SPAG16: variants seen among roughly 807,000 people sequenced by gnomAD.
SPAG16 encodes sperm associated antigen 16, also known as sperm-associated antigen 16 protein.
SPAG16 carries 86 observed loss-of-function variants against 80.4 expected under a neutral mutation model. The ratio of observed to expected loss-of-function variants is 1.07; its 90% confidence interval spans 0.90 to 1.28. SPAG16 has a LOEUF of 1.28. Ranked by LOEUF, SPAG16 falls within the 50% of genes most tolerant of loss-of-function variation. The pLI is 0.00. For synonymous variants in SPAG16, 294 were observed against 265.9 expected, an observed-to-expected ratio of 1.11 and a Z score of -1.03; for missense variants, 870 against 765.3, an observed-to-expected ratio of 1.14 and a Z score of -1.61.
rs768468811 is a variant in SPAG16, at chr2:214,108,271, G to A, written c.1593+10G>A. The A allele has an allele frequency of 5.0e-6, 8 of 1,597,888 alleles. No homozygotes were observed. In the South Asian group the frequency reaches 5.6e-5, roughly 11 times the overall value. On this transcript the variant is annotated intron_variant, in intron 14 of 15. Transcript: ENST00000331683. ...CATTTTTGATCCCAGGGTAAGTTCAGTTCTCCCAGTAAACTGTTTTTAATG... is the reference window on the plus strand; with the variant it reads ...CATTTTTGATCCCAGGGTAAGTTCAATTCTCCCAGTAAACTGTTTTTAATG...
intron 10 of SPAG16, among the ~76,000 whole-genome samples, chr2:213,651,478 G>A (rs572952894): frequency 1.3e-5 from 2 of 152,268 alleles, no homozygotes; most frequent in Admixed American, 1.3e-4. Flanking sequence ...AAGAGTTTGG[G>A]AAGCTGCAGG....
intron 15 of SPAG16, among the ~76,000 whole-genome samples, chr2:214,374,774 G>T (rs1700029397): frequency 6.6e-6 from 1 of 152,162 alleles, no homozygotes; most frequent in Non-Finnish European, 1.5e-5. Context: ...CAAAGTAGAT[G>T]CATACCTCAT....
chr2:213,718,615 A>T, intron 10 of SPAG16, among the ~76,000 whole-genome samples: 2 of 152,250 alleles, frequency 1.3e-5, no homozygotes, highest in South Asian at 4.1e-4. Context: ...GCCCGGGGCA[A>T]TGGGGGACTT....
chr2:214,298,113 TACAC>T (rs34626747), intron 15 of SPAG16, among the ~76,000 whole-genome samples: 88 of 41,452 alleles, frequency 2.1e-3, no homozygotes, highest in African/African-American at 5.1e-3. Context: ...TATATATATA[TACAC>T]ACACACACAC....
intron 10 of SPAG16, among the ~76,000 whole-genome samples, chr2:213,808,908 T>G (rs1288013749): frequency 6.6e-6 from 1 of 152,100 alleles, no homozygotes. Flanking sequence ...TTGTCTCAAG[T>G]TGGGCTAGAA....
At chr2:214,285,735 G>A (rs6735479) in intron 15 of SPAG16, among the ~76,000 whole-genome samples, 71,430 of 151,924 alleles carry the variant, frequency 0.47, 20,107 homozygotes, top group South Asian at 0.69. Context: ...CCTGGGAGGC[G>A]GAGGTTGCAG....
chr2:213,802,245 G>T (rs2071456500), intron 10 of SPAG16, among the ~76,000 whole-genome samples: 1 of 152,178 alleles, frequency 6.6e-6, no homozygotes, highest in Non-Finnish European at 1.5e-5. Flanking sequence ...TCAGAAGATA[G>T]GGACTGGGGT....
At position 213,946,987 on chromosome 2, in the gene SPAG16, A is replaced by G. The variant is rs915162413; in HGVS notation, c.1400+16842A>G. Among the ~76,000 whole-genome samples, 22 of 152,256 alleles carry G rather than the reference A, an allele frequency of 1.4e-4. No homozygotes were observed. In the East Asian group the frequency reaches 4.1e-3, roughly 28 times the overall value. On this transcript the variant is annotated intron_variant, in intron 12 of 15. Coordinates refer to ENST00000331683, the MANE Select transcript of SPAG16 (RefSeq NM_024532.5). ...AAGTTTGCTTTTTTTTTCATTTAGCATAATGCCCTTGAGATTTATTCAACT... is the reference window on the plus strand; with the variant it reads ...AAGTTTGCTTTTTTTTTCATTTAGCGTAATGCCCTTGAGATTTATTCAACT...
At chr2:214,101,142 T>C (rs2052989576) in intron 13 of SPAG16, among the ~76,000 whole-genome samples, 1 of 137,044 alleles carries the variant, frequency 7.3e-6, no homozygotes, top group Admixed American at 7.4e-5. Flanking sequence ...TGATGAGTAT[T>C]ACTTAATTTT....
At chr2:213,286,344 A>T (rs1194972854) in intron 1 of SPAG16, among the ~76,000 whole-genome samples, 1 of 152,148 alleles carries the variant, frequency 6.6e-6, no homozygotes, top group Non-Finnish European at 1.5e-5. Flanking sequence ...ACATTTAACC[A>T]GTTTATTTTG....
intron 12 of SPAG16, among the ~76,000 whole-genome samples, chr2:213,986,150 G>C (rs1276032617): frequency 6.6e-6 from 1 of 152,062 alleles, no homozygotes; most frequent in Non-Finnish European, 1.5e-5. Flanking sequence ...GGGTTATATG[G>C]AAAGATTTCA....
intron 10 of SPAG16, among the ~76,000 whole-genome samples, chr2:213,527,622 G>A (rs887692766): frequency 1.2e-4 from 19 of 152,140 alleles, no homozygotes; most frequent in African/African-American, 4.3e-4. Context: ...ATGGCAGAGT[G>A]AAGGTTTTCA....
Position 214,146,191 on chromosome 2 carries a change from T to C in SPAG16, c.1594-2949T>C, listed in dbSNP as rs556648203. ...TGTCATAAATTGTAGGTAAAATGAC[T>C]TTTCCCTAGGTTGTCAACTAATCTC... On this transcript the variant is annotated intron_variant, in intron 14 of 15. Transcript: ENST00000331683. 4.3e-4 allele frequency among the ~76,000 whole-genome samples: 65 copies of C among 152,300 alleles called. No individual in the cohort carries two copies. The South Asian group carries it at 7.9e-3, about 18-fold the overall frequency.
intron 15 of SPAG16, among the ~76,000 whole-genome samples, chr2:214,167,649 G>C (rs1333186763): frequency 6.6e-6 from 1 of 151,940 alleles, no homozygotes; most frequent in Non-Finnish European, 1.5e-5. Context: ...TATTCTAAAT[G>C]TCTTATAATT....
intron 13 of SPAG16, among the ~76,000 whole-genome samples, chr2:214,062,285 T>A (rs553710043): frequency 8.6e-5 from 13 of 151,868 alleles, no homozygotes; most frequent in African/African-American, 2.7e-4. Flanking sequence ...TTAGGTGTGG[T>A]GGCACATGCC....
intron 15 of SPAG16, chr2:214,280,692 C>A (rs1334107673): frequency 8.8e-6 from 3 of 342,144 alleles, no homozygotes; most frequent in East Asian, 1.6e-4. Flanking sequence ...TTTGAGCTAC[C>A]TGATCTTTCT....
At chr2:213,420,021 A>T (rs1416075692) in intron 9 of SPAG16, among the ~76,000 whole-genome samples, 4 of 148,526 alleles carry the variant, frequency 2.7e-5, no homozygotes, top group Admixed American at 2.6e-4. Flanking sequence ...AAGTATATAC[A>T]AGATATTTTT....
At chr2:214,209,404 C>T (rs140388731) in intron 15 of SPAG16, among the ~76,000 whole-genome samples, 30 of 152,276 alleles carry the variant, frequency 2.0e-4, no homozygotes, top group African/African-American at 7.0e-4. Context: ...ACAAAGTTCT[C>T]ATTTATGTGA....
chr2:213,463,441 C>G (rs1200911206), intron 9 of SPAG16, among the ~76,000 whole-genome samples: 1 of 152,194 alleles, frequency 6.6e-6, no homozygotes, highest in Non-Finnish European at 1.5e-5. Context: ...GCCAGGAGCT[C>G]TAGAAGGAAA....
Sources: gnomAD v4.1 joint callset for allele counts (sites outside exome capture counted in the v4.1 genomes callset) on GRCh38, gnomAD v4.1.1 for gene constraint, MANE v1.5 for transcripts, NCBI Gene and HGNC (gene_info 2026-07-23, HGNC 2026-07-21) for gene names.